CRIM1: variants seen among roughly 807,000 people sequenced by gnomAD.
CRIM1 encodes cysteine rich transmembrane BMP regulator 1, also known as cysteine-rich motor neuron 1 protein.
Under a neutral mutation model 116.4 loss-of-function variants are expected in CRIM1, and 32 were observed. The ratio of observed to expected loss-of-function variants is 0.27; its 90% CI spans 0.21 to 0.37. CRIM1 has a LOEUF of 0.37. Among genes scored for constraint, CRIM1 ranks in the 10% least tolerant of loss-of-function variants. CRIM1 has a pLI of 1.00. For missense variants in CRIM1, 1,331 were observed against 1,354.8 expected, an observed-to-expected ratio of 0.98 and a Z score of 0.28; for synonymous variants, 590 against 509.2, an observed-to-expected ratio of 1.16 and a Z score of -2.13.
At position 36,527,590 on chromosome 2, in the gene CRIM1, A is replaced by G. The variant is rs555812765; in HGVS notation, c.2428+5277A>G. 2.9e-4 allele frequency among the ~76,000 whole-genome samples: 44 copies of G among 152,322 alleles called. 1 individual carries two copies. The highest frequency in any genetic ancestry group is 7.8e-4 in the Admixed American group (12 of 15,300). On this transcript the variant is annotated intron_variant, in intron 13 of 16. Coordinates refer to ENST00000280527, the MANE Select transcript of CRIM1 (RefSeq NM_016441.3). ...TAATAGGGAAATGTCTATACCTTAT[A>G]TCAAGTCAATACATTATTCCTTTTG...
intron 2 of CRIM1, among the ~76,000 whole-genome samples, chr2:36,438,458 C>T (rs115252597): frequency 3.1e-3 from 473 of 152,302 alleles, no homozygotes; most frequent in Non-Finnish European, 4.5e-3. Flanking sequence ...TTCTCCTCCT[C>T]ACCTCTTTGA....
chr2:36,392,840 AG>A (rs1671719713), intron 1 of CRIM1, among the ~76,000 whole-genome samples: 2 of 152,210 alleles, frequency 1.3e-5, no homozygotes, highest in African/African-American at 4.8e-5. Flanking sequence ...CTCAAAAAAA[AG>A]AAAATAAAAG....
chr2:36,476,195 C>G (rs985967831), intron 5 of CRIM1, among the ~76,000 whole-genome samples: 1 of 151,958 alleles, frequency 6.6e-6, no homozygotes, highest in Non-Finnish European at 1.5e-5. Context: ...AACCCTGAAG[C>G]ACAATGGAAG....
At chr2:36,417,764 A>C (rs1289044419) in intron 2 of CRIM1, among the ~76,000 whole-genome samples, 3 of 152,232 alleles carry the variant, frequency 2.0e-5, no homozygotes, top group Admixed American at 2.0e-4. Context: ...TTGGGGAGAC[A>C]GGCATGAACA....
chr2:36,442,235 TTTTC>T (rs201022510), intron 3 of CRIM1, among the ~76,000 whole-genome samples: 2,119 of 152,166 alleles, frequency 0.014, 50 homozygotes, highest in African/African-American at 0.048. Flanking sequence ...GGGTTTTTCT[TTTTC>T]TTTCTTTCTT....
chr2:36,409,951 C>T (rs967664059), intron 2 of CRIM1, among the ~76,000 whole-genome samples: 1 of 152,152 alleles, frequency 6.6e-6, no homozygotes, highest in Non-Finnish European at 1.5e-5. Context: ...TTTAATGGTG[C>T]ATACGCTCTA....
In CRIM1 at chr2:36,356,415, C is replaced by T. The variant is rs142855008; in HGVS notation, c.123C>T (p.Asp41=). ...GTRALVCLPC[D]ESKCEEPRNC... ...GGGCGCTGGTCTGCCTGCCCTGTGACGAGTCCAAGTGCGAGGAGCCCAGGA... is the reference window on the plus strand; with the variant it reads ...GGGCGCTGGTCTGCCTGCCCTGTGATGAGTCCAAGTGCGAGGAGCCCAGGA... Residue 41 remains aspartate (D), a synonymous_variant, in exon 1 of 17, where the codon GAC becomes GAT. Transcript: ENST00000280527. This position sits in a 1 kb window ranked among gnomAD's most constrained non-coding sequence, Gnocchi z 4.3. 2.5e-6 allele frequency: 4 copies of T among 1,610,040 alleles called. No individual in the cohort carries two copies. The highest frequency in any genetic ancestry group is 3.4e-6 in the Non-Finnish European group (4 of 1,179,342).
intron 12 of CRIM1, among the ~76,000 whole-genome samples, chr2:36,519,922 A>AAAAG (rs374190549): frequency 1.3e-4 from 6 of 47,290 alleles, no homozygotes; most frequent in East Asian, 5.4e-3. Context: ...AGGGAGGTAG[A>AAAAG]AAATAGAAAA....
chr2:36,499,173 G>T, intron 7 of CRIM1, 46 bp from the exon 8 acceptor site: 1 of 1,467,716 alleles, frequency 6.8e-7, no homozygotes, highest in Non-Finnish European at 9.5e-7. Context: ...CATCTAAAAG[G>T]TAATCATATG....
intron 7 of CRIM1, among the ~76,000 whole-genome samples, chr2:36,484,413 C>T (rs1679661083): frequency 6.6e-6 from 1 of 151,974 alleles, no homozygotes; most frequent in African/African-American, 2.4e-5. Flanking sequence ...GGAGAGGTTG[C>T]CATTTCCATT....
intron 4 of CRIM1, among the ~76,000 whole-genome samples, chr2:36,452,112 T>G (rs1484022446): frequency 1.3e-5 from 2 of 151,324 alleles, no homozygotes; most frequent in African/African-American, 2.4e-5. Context: ...ACTTAACAGT[T>G]TGGGTTTTTT....
chr2:36,439,103 C>G (rs1558584871), intron 2 of CRIM1, among the ~76,000 whole-genome samples: 1 of 152,148 alleles, frequency 6.6e-6, no homozygotes. Context: ...AATGTTTCCC[C>G]TGAGTGAGGC....
At chr2:36,389,563 C>T (rs1051570775) in intron 1 of CRIM1, among the ~76,000 whole-genome samples, 5 of 152,146 alleles carry the variant, frequency 3.3e-5, no homozygotes, top group African/African-American at 9.7e-5. Context: ...TTTTTAATAT[C>T]TGCTATAGCA....
At chr2:36,495,802 T>A (rs2125077970) in intron 7 of CRIM1, among the ~76,000 whole-genome samples, 1 of 152,270 alleles carries the variant, frequency 6.6e-6, no homozygotes, top group East Asian at 1.9e-4. Context: ...TATATAATAA[T>A]ATGTTGGACT....
At chr2:36,418,656 C>T (rs968625303) in intron 2 of CRIM1, among the ~76,000 whole-genome samples, 4 of 152,150 alleles carry the variant, frequency 2.6e-5, no homozygotes, top group African/African-American at 9.7e-5. Context: ...TATAAAGCCA[C>T]TAAACCAAGG....
intron 13 of CRIM1, among the ~76,000 whole-genome samples, chr2:36,524,929 A>C (rs746857053): frequency 1.3e-5 from 2 of 152,162 alleles, no homozygotes; most frequent in Non-Finnish European, 2.9e-5. Flanking sequence ...TTTTGATTTT[A>C]AGTTGGACTG....
chr2:36,480,552 T>C (rs537579786), intron 7 of CRIM1, among the ~76,000 whole-genome samples: 13 of 152,230 alleles, frequency 8.5e-5, no homozygotes, highest in African/African-American at 2.4e-4. Flanking sequence ...AATGGACTTA[T>C]CTTTCCAGAA....
intron 1 of CRIM1, among the ~76,000 whole-genome samples, chr2:36,375,726 A>G (rs983460652): frequency 6.6e-6 from 1 of 152,234 alleles, no homozygotes. Flanking sequence ...AGTGATTAAT[A>G]TGCACTATTA....
intron 2 of CRIM1, among the ~76,000 whole-genome samples, chr2:36,413,871 C>G (rs1558557354): frequency 6.6e-6 from 1 of 152,166 alleles, no homozygotes; most frequent in Non-Finnish European, 1.5e-5. Flanking sequence ...ATTCATATGT[C>G]AACCATATTG....
Sources: gnomAD v4.1 joint callset for allele counts (sites outside exome capture counted in the v4.1 genomes callset) on GRCh38, gnomAD v4.1.1 for gene constraint, Gnocchi (gnomAD v3.1) non-coding constraint, MANE v1.5 for transcripts, NCBI Gene and HGNC (gene_info 2026-07-23, HGNC 2026-07-21) for gene names.